The following GAREM1 variants were observed in gnomAD, a reference collection of about 807,000 sequenced individuals.
GAREM1 encodes the protein GRB2 associated regulator of MAPK1 subtype 1.
Under a neutral mutation model 71.3 loss-of-function variants are expected in GAREM1, and 26 were observed. That is an observed-to-expected ratio of 0.36 (90% confidence interval 0.27 to 0.51). The LOEUF (loss-of-function observed/expected upper bound fraction) is 0.51, where lower values mean the gene tolerates loss of function less well. GAREM1 is among the 20% of genes least tolerant of loss of function. GAREM1 has a pLI of 0.95. For missense variants in GAREM1, 1,026 were observed against 1,103.1 expected, an observed-to-expected ratio of 0.93 and a Z score of 0.99; for synonymous variants, 440 against 433.2, an observed-to-expected ratio of 1.02 and a Z score of -0.20.
At chr18:32,442,044 T>C (rs926160066) in intron 1 of GAREM1, among the ~76,000 whole-genome samples, 2 of 152,174 alleles carry the variant, frequency 1.3e-5, no homozygotes, top group African/African-American at 4.8e-5. Context: ...AAGCAGCTTT[T>C]CCAAATACTA....
At chr18:32,425,250 G>A (rs2048563437) in intron 1 of GAREM1, among the ~76,000 whole-genome samples, 1 of 152,150 alleles carries the variant, frequency 6.6e-6, no homozygotes, top group Non-Finnish European at 1.5e-5. Context: ...AGGAAATACA[G>A]TTAACCAATT....
chr18:32,309,615 C>CAAAAAAAAAAAAAAAAAAA (rs11370938), intron 3 of GAREM1, among the ~76,000 whole-genome samples: 1 of 13,862 alleles, frequency 7.2e-5, no homozygotes, highest in African/African-American at 3.0e-4. Flanking sequence ...GACTCAGTCT[C>CAAAAAAAAAAAAAAAAAAA]AAAAAAAAAA....
intron 2 of GAREM1, among the ~76,000 whole-genome samples, chr18:32,363,987 C>CAT (rs1483479851): frequency 2.6e-4 from 7 of 27,092 alleles, no homozygotes; most frequent in African/African-American, 5.8e-4. Flanking sequence ...TACATAAATA[C>CAT]ATATATACAT....
At position 32,470,644 on chromosome 18, in the gene GAREM1, G is replaced by C. The variant is rs1160540735; in HGVS notation, c.-216C>G. Among the ~76,000 whole-genome samples the C allele has an allele frequency of 2.7e-5, 4 of 148,882 alleles. No individual in the cohort carries two copies. The South Asian group carries it at 8.3e-4, about 31-fold the overall frequency. ...TGCCGCTGCGGGGCATGGCTGGGGC[G>C]CCCCGCGTGCCCTCACGCCCGGAGA... On this transcript the variant is annotated 5_prime_UTR_variant, in exon 1 of 6. Coordinates refer to ENST00000269209, the MANE Select transcript of GAREM1 (RefSeq NM_001242409.2). The surrounding 1 kb of genome is among the most constrained non-coding windows in gnomAD (Gnocchi z 4.4).
chr18:32,274,838 A>G (rs774417173), intron 4 of GAREM1, among the ~76,000 whole-genome samples: 6 of 151,900 alleles, frequency 3.9e-5, no homozygotes, highest in Non-Finnish European at 7.4e-5. Context: ...AGGGACTGCC[A>G]TTTTAGCTAT....
chr18:32,404,488 G>C (rs115219280), intron 1 of GAREM1, among the ~76,000 whole-genome samples: 1,960 of 151,590 alleles, frequency 0.013, 54 homozygotes, highest in African/African-American at 0.045. Flanking sequence ...ACAAAGAAAA[G>C]GCAAGTATAT....
chr18:32,329,683 G>A (rs1239534389), intron 2 of GAREM1, among the ~76,000 whole-genome samples: 2 of 141,048 alleles, frequency 1.4e-5, no homozygotes, highest in African/African-American at 5.6e-5. Flanking sequence ...TCCAGCCTGG[G>A]TGACAGAGCG....
rs1482161593 is a variant in GAREM1 at position 32,470,793 on chromosome 18, C to T, written c.-365G>A. ...GCGGCGGCCGCCCGCTCGCCTCCTC[C>T]TCCTCTTACCCCTCCTTCCCTCCGC... On this transcript the variant is annotated 5_prime_UTR_variant, in exon 1 of 6. Coordinates refer to ENST00000269209, the MANE Select transcript of GAREM1 (RefSeq NM_001242409.2). The surrounding 1 kb of genome is among the most constrained non-coding windows in gnomAD (Gnocchi z 4.4). Among the ~76,000 whole-genome samples the T allele has an allele frequency of 6.7e-6, 1 of 150,118 alleles. No homozygotes were observed. The highest frequency in any genetic ancestry group is 1.5e-5 in the Non-Finnish European group (1 of 67,234).
intron 2 of GAREM1, among the ~76,000 whole-genome samples, chr18:32,332,223 G>A (rs1481362903): frequency 2.0e-5 from 3 of 151,858 alleles, no homozygotes; most frequent in Admixed American, 1.3e-4. Context: ...TTGCCTACCA[G>A]GTTTTAAGAG....
chr18:32,309,804 C>G (rs1217534692), intron 3 of GAREM1, among the ~76,000 whole-genome samples: 1 of 151,868 alleles, frequency 6.6e-6, no homozygotes, highest in African/African-American at 2.4e-5. Context: ...TGTATTTTTC[C>G]TCTCTTTCTT....
At chr18:32,344,683 C>T (rs539637710) in intron 2 of GAREM1, among the ~76,000 whole-genome samples, 124 of 152,114 alleles carry the variant, frequency 8.2e-4, no homozygotes, top group African/African-American at 2.7e-3. Flanking sequence ...TAAACACTGT[C>T]GAATGATAAA....
intron 1 of GAREM1, among the ~76,000 whole-genome samples, chr18:32,464,700 A>C (rs1226023758): frequency 6.6e-6 from 1 of 152,202 alleles, no homozygotes; most frequent in African/African-American, 2.4e-5. Context: ...CTTCTTCTGT[A>C]CAAAGACAAT....
At chr18:32,410,608 C>T (rs1414831375) in intron 1 of GAREM1, among the ~76,000 whole-genome samples, 1 of 152,078 alleles carries the variant, frequency 6.6e-6, no homozygotes, top group Non-Finnish European at 1.5e-5. Flanking sequence ...TCTTGGCCTC[C>T]CAAAGCATGG....
chr18:32,415,963 T>C (rs924032712), intron 1 of GAREM1, among the ~76,000 whole-genome samples: 1 of 152,076 alleles, frequency 6.6e-6, no homozygotes, highest in Non-Finnish European at 1.5e-5. Context: ...TGATTTTATA[T>C]CTGGAAAAAA....
chr18:32,268,822 A>C, intron 5 of GAREM1, 54 bp from the exon 6 acceptor site: 1 of 1,477,264 alleles, frequency 6.8e-7, no homozygotes, highest in Non-Finnish European at 9.3e-7. Flanking sequence ...GCCAAATCCC[A>C]AGGCTTTTGT....
intron 1 of GAREM1, among the ~76,000 whole-genome samples, chr18:32,398,862 A>C (rs2048283752): frequency 6.6e-6 from 1 of 152,082 alleles, no homozygotes. Context: ...GAGACACAAC[A>C]AAAAAAGAGA....
In GAREM1 at chr18:32,388,616, C is replaced by T. The variant is rs193113618; in HGVS notation, c.262+4279G>A. On this transcript the variant is annotated intron_variant, in intron 2 of 5. Coordinates refer to ENST00000269209, the MANE Select transcript of GAREM1 (RefSeq NM_001242409.2). ...GCCATTATCACAACACAGAGCAGAC[C>T]AGCCAAGACTGCATAGCCTCATCAA... is the stretch of plus-strand genomic sequence containing the variant. Among the ~76,000 whole-genome samples the T allele has an allele frequency of 1.4e-4, 21 of 152,284 alleles. No individual in the cohort carries two copies. In the East Asian group the frequency reaches 3.9e-3, roughly 28 times the overall value.
chr18:32,361,502 T>C lies in GAREM1; in HGVS notation c.262+31393A>G, dbSNP rs987969184. Among the ~76,000 whole-genome samples, 5 of 152,258 alleles carry C rather than the reference T, an allele frequency of 3.3e-5. No individual in the cohort carries two copies. The South Asian group carries it at 6.2e-4, about 19-fold the overall frequency. On this transcript the variant is annotated intron_variant, in intron 2 of 5. Coordinates refer to ENST00000269209, the MANE Select transcript of GAREM1 (RefSeq NM_001242409.2). The stretch of plus-strand genomic sequence containing the variant: ...GGATCTTATTAACAATTTAATAATA[T>C]AATTAACCACAAATTCATCTGGTGC...
intron 1 of GAREM1, among the ~76,000 whole-genome samples, chr18:32,466,834 T>G (rs1350129414): frequency 1.3e-5 from 2 of 152,218 alleles, no homozygotes; most frequent in Non-Finnish European, 2.9e-5. Flanking sequence ...CCTCAGCTGA[T>G]GAGATACATC....
Sources: allele counts gnomAD v4.1 joint callset (sites outside exome capture counted in the v4.1 genomes callset), GRCh38; gene constraint gnomAD v4.1.1; non-coding constraint Gnocchi (gnomAD v3.1); transcripts MANE v1.5; gene names NCBI Gene and HGNC (gene_info 2026-07-23, HGNC 2026-07-21).